Variants in METTL15 observed in about 807,000 individuals in gnomAD.
METTL15 encodes 12S rRNA N(4)-cytidine methyltransferase METTL15.
Under a neutral mutation model 38.3 loss-of-function variants are expected in METTL15, and 34 were observed. The observed-to-expected ratio is 0.89, with a 90% CI of 0.68 to 1.18. The LOEUF (loss-of-function observed/expected upper bound fraction) is 1.18, where lower values mean the gene tolerates loss of function less well. Ranked by LOEUF, METTL15 falls within the 50% of genes most tolerant of loss-of-function variation. The pLI is 0.00. For synonymous variants in METTL15, 162 were observed against 170.9 expected, an observed-to-expected ratio of 0.95 and a Z score of 0.41; for missense variants, 438 against 498.4, an observed-to-expected ratio of 0.88 and a Z score of 1.15.
At chr11:28,369,801 A>T (rs540519088) in intron 5 of METTL15, among the ~76,000 whole-genome samples, 8 of 152,296 alleles carry the variant, frequency 5.3e-5, no homozygotes, top group African/African-American at 1.9e-4. Flanking sequence ...TTCAAGTTGA[A>T]AGAAAAAGAC....
At chr11:28,391,463 C>A (rs1850506919) in intron 5 of METTL15, among the ~76,000 whole-genome samples, 1 of 152,022 alleles carries the variant, frequency 6.6e-6, no homozygotes, top group African/African-American at 2.4e-5. Flanking sequence ...TTGTCAAAGA[C>A]CTTTTCTGCA....
chr11:28,247,698 G>A (rs1035570470), intron 4 of METTL15, among the ~76,000 whole-genome samples: 6 of 152,062 alleles, frequency 3.9e-5, no homozygotes, highest in South Asian at 2.1e-4. Context: ...TCATTCTCTC[G>A]TTATTGGGTT....
intron 3 of METTL15, among the ~76,000 whole-genome samples, chr11:28,186,643 G>A (rs1851505197): frequency 6.6e-6 from 1 of 150,970 alleles, no homozygotes; most frequent in South Asian, 2.1e-4. Flanking sequence ...AAGTGAGAAG[G>A]AAGTTTTAAA....
intron 5 of METTL15, among the ~76,000 whole-genome samples, chr11:28,380,353 A>G (rs4923532): frequency 0.31 from 46,623 of 151,894 alleles, 8,982 homozygotes; most frequent in Admixed American, 0.44. Context: ...TATTTTTAAT[A>G]GAGATGAGGT....
At chr11:28,176,364 TTC>T (rs935779677) in intron 3 of METTL15, among the ~76,000 whole-genome samples, 4 of 152,156 alleles carry the variant, frequency 2.6e-5, no homozygotes, top group Admixed American at 1.3e-4. Flanking sequence ...AAATGTCTTT[TTC>T]TCTAATGCAG....
At chr11:28,167,888 TGGTTTAA>T (rs1025584139) in intron 3 of METTL15, among the ~76,000 whole-genome samples, 2 of 152,132 alleles carry the variant, frequency 1.3e-5, no homozygotes, top group Non-Finnish European at 2.9e-5. Flanking sequence ...GTTCTTTCCT[TGGTTTAA>T]TATTTAGCCT....
chr11:28,170,965 A>G (rs1850836121), intron 3 of METTL15, among the ~76,000 whole-genome samples: 1 of 152,070 alleles, frequency 6.6e-6, no homozygotes, highest in Admixed American at 6.6e-5. Flanking sequence ...TGTGGTTCGA[A>G]CACCTCTGAG....
At chr11:28,394,028 A>G (rs1000596460) in intron 5 of METTL15, among the ~76,000 whole-genome samples, 38 of 152,116 alleles carry the variant, frequency 2.5e-4, no homozygotes, top group Admixed American at 2.0e-3. Context: ...ACAGTCTGCT[A>G]TAATTACCTT....
At chr11:28,148,297 G>A (rs1249397366) in intron 3 of METTL15, among the ~76,000 whole-genome samples, 1 of 151,884 alleles carries the variant, frequency 6.6e-6, no homozygotes, top group Non-Finnish European at 1.5e-5. Flanking sequence ...CTAAAAGTCA[G>A]TAGGTTATGG....
intron 4 of METTL15, among the ~76,000 whole-genome samples, chr11:28,259,204 T>C (rs1855095681): frequency 6.6e-6 from 1 of 152,122 alleles, no homozygotes; most frequent in Non-Finnish European, 1.5e-5. Context: ...GGTGGCCTTA[T>C]GATTGACCAG....
intron 4 of METTL15, among the ~76,000 whole-genome samples, chr11:28,232,910 A>AT (rs529344349): frequency 7.9e-5 from 12 of 151,846 alleles, no homozygotes; most frequent in African/African-American, 1.7e-4. Flanking sequence ...GGCTTGACCC[A>AT]TTTTTTTTCT....
At chr11:28,406,391 T>A (rs974505951) in intron 5 of METTL15, among the ~76,000 whole-genome samples, 2 of 152,094 alleles carry the variant, frequency 1.3e-5, no homozygotes, top group African/African-American at 2.4e-5. Context: ...CTATTGTTGG[T>A]GTAAAGGAAT....
intron 4 of METTL15, among the ~76,000 whole-genome samples, chr11:28,235,586 C>T (rs190532099): frequency 1.1e-4 from 17 of 152,260 alleles, no homozygotes; most frequent in African/African-American, 3.1e-4. Context: ...TGGGAGTTCA[C>T]TCATGATTTG....
chr11:28,182,088 C>T (rs368071527), intron 3 of METTL15, among the ~76,000 whole-genome samples: 2 of 152,148 alleles, frequency 1.3e-5, no homozygotes, highest in South Asian at 4.2e-4. Flanking sequence ...ATCCTTTGCC[C>T]ACTTTTTGAT....
At chr11:28,412,665 G>A (rs1483475373) in intron 5 of METTL15, among the ~76,000 whole-genome samples, 2 of 151,980 alleles carry the variant, frequency 1.3e-5, no homozygotes, top group African/African-American at 4.8e-5. Flanking sequence ...TGACTTCACT[G>A]ATATGTGGAA....
intron 5 of METTL15, among the ~76,000 whole-genome samples, chr11:28,380,389 C>T (rs964066124): frequency 9.9e-5 from 15 of 152,050 alleles, no homozygotes; most frequent in African/African-American, 2.7e-4. Flanking sequence ...AAGATGGTCT[C>T]GATCTCCTGA....
intron 4 of METTL15, among the ~76,000 whole-genome samples, chr11:28,238,320 C>T (rs918056809): frequency 1.3e-5 from 2 of 152,220 alleles, no homozygotes; most frequent in Admixed American, 6.5e-5. Flanking sequence ...GTGGGCGCCC[C>T]TCCCCCAGCC....
At chr11:28,454,422 T>C (rs549439568) in intron 6 of METTL15, among the ~76,000 whole-genome samples, 2 of 152,382 alleles carry the variant, frequency 1.3e-5, no homozygotes, top group East Asian at 3.9e-4. Context: ...AATAGTCTTC[T>C]TAATAGAAGT....
At chr11:28,252,865 A>G (rs1366132533) in intron 4 of METTL15, among the ~76,000 whole-genome samples, 4 of 152,018 alleles carry the variant, frequency 2.6e-5, no homozygotes, top group Non-Finnish European at 5.9e-5. Context: ...AATCACTCCA[A>G]TTGAGTTTTC....
Sources: allele counts gnomAD v4.1 joint callset (sites outside exome capture counted in the v4.1 genomes callset), GRCh38; gene constraint gnomAD v4.1.1; transcripts MANE v1.5; gene names NCBI Gene and HGNC (gene_info 2026-07-23, HGNC 2026-07-21).